Variants in CDYL2 observed in about 807,000 individuals in gnomAD.
CDYL2 encodes the protein chromodomain Y like 2.
CDYL2 carries 23 observed loss-of-function variants against 49.4 expected under a neutral mutation model. The observed-to-expected ratio is 0.47, with a 90% CI of 0.34 to 0.66. CDYL2 has a LOEUF of 0.66. CDYL2 is among the 30% of genes least tolerant of loss of function. The pLI, the probability that CDYL2 is intolerant of heterozygous loss-of-function variation, is 0.01. For synonymous variants in CDYL2, 360 were observed against 268.8 expected, an observed-to-expected ratio of 1.34 and a Z score of -3.32; for missense variants, 678 against 656.4, an observed-to-expected ratio of 1.03 and a Z score of -0.36.
Position 80,708,693 on chromosome 16 carries a change from T to C in CDYL2, c.25-23564A>G, listed in dbSNP as rs13336485. Among the ~76,000 whole-genome samples, 646 of 152,238 alleles carry C rather than the reference T, an allele frequency of 4.2e-3. 5 individuals carry two copies. Among genetic ancestry groups the C allele is most frequent in the African/African-American group, 0.015 (622 of 41,530 alleles). On this transcript the variant is annotated intron_variant, in intron 1 of 6. Coordinates refer to ENST00000570137, the MANE Select transcript of CDYL2 (RefSeq NM_152342.4). ...GTACCCAAGAGGCAATCAATAAATA[T>C]CAGCTGGTAGTCAAATTTCCTTTTA...
chr16:80,662,118 C>T (rs1248268189), intron 2 of CDYL2, among the ~76,000 whole-genome samples: 4 of 152,184 alleles, frequency 2.6e-5, no homozygotes, highest in African/African-American at 7.2e-5. Flanking sequence ...TGGCCTCATA[C>T]GTGAAAACAC....
At chr16:80,714,361 T>C (rs1433723604) in intron 1 of CDYL2, among the ~76,000 whole-genome samples, 1 of 152,182 alleles carries the variant, frequency 6.6e-6, no homozygotes, top group African/African-American at 2.4e-5. Context: ...AAATGATAAA[T>C]GTTTGAGGTA....
intron 1 of CDYL2, among the ~76,000 whole-genome samples, chr16:80,794,598 A>ATTTTTTTTTT (rs966789395): frequency 1.5e-5 from 1 of 66,830 alleles, no homozygotes; most frequent in Non-Finnish European, 3.0e-5. Flanking sequence ...ATTCCCAGTG[A>ATTTTTTTTTT]TTTTTTTTTT....
intron 2 of CDYL2, among the ~76,000 whole-genome samples, chr16:80,663,427 G>GA (rs11330709): frequency 0.03 from 4,322 of 145,732 alleles, 208 homozygotes; most frequent in African/African-American, 0.1. Flanking sequence ...GTGCATTCAA[G>GA]AAAAAAAAAA....
At chr16:80,681,817 T>A (rs757143351) in intron 2 of CDYL2, among the ~76,000 whole-genome samples, 1 of 152,238 alleles carries the variant, frequency 6.6e-6, no homozygotes, top group Non-Finnish European at 1.5e-5. Context: ...CTGGCAAGTT[T>A]CAGAGGGAAG....
At chr16:80,665,505 T>TAAAAAAAAAAAAAA (rs35248259) in intron 2 of CDYL2, among the ~76,000 whole-genome samples, 7 of 121,628 alleles carry the variant, frequency 5.8e-5, no homozygotes, top group African/African-American at 2.0e-4. Flanking sequence ...TTTTTGCCAT[T>TAAAAAAAAAAAAAA]AAAAAAAAAA....
chr16:80,623,532 C>G (rs74028336), intron 3 of CDYL2, among the ~76,000 whole-genome samples: 9,014 of 152,052 alleles, frequency 0.059, 925 homozygotes, highest in African/African-American at 0.21. Flanking sequence ...CTAGGAGCTG[C>G]CTAGAAATGC....
chr16:80,676,944 T>G (rs2142461152), intron 2 of CDYL2, among the ~76,000 whole-genome samples: 1 of 151,940 alleles, frequency 6.6e-6, no homozygotes, highest in Non-Finnish European at 1.5e-5. Context: ...TGAGGACTTT[T>G]TAACAACCAA....
At chr16:80,723,754 C>T (rs1044903948) in intron 1 of CDYL2, among the ~76,000 whole-genome samples, 10 of 152,114 alleles carry the variant, frequency 6.6e-5, no homozygotes, top group African/African-American at 9.7e-5. Flanking sequence ...GTAGTGGTGA[C>T]AGAGACCAAA....
intron 3 of CDYL2, among the ~76,000 whole-genome samples, chr16:80,631,213 A>C (rs115173706): frequency 2.0e-4 from 31 of 152,316 alleles, no homozygotes; most frequent in African/African-American, 6.7e-4. Flanking sequence ...AATGTGGATC[A>C]TAACAATCCT....
chr16:80,716,436 C>T (rs1334457056), intron 1 of CDYL2, among the ~76,000 whole-genome samples: 1 of 151,032 alleles, frequency 6.6e-6, no homozygotes, highest in Non-Finnish European at 1.5e-5. Flanking sequence ...ATGGGTAGGT[C>T]GATGGATGGA....
At chr16:80,670,042 C>G (rs552461191) in intron 2 of CDYL2, among the ~76,000 whole-genome samples, 1 of 152,246 alleles carries the variant, frequency 6.6e-6, no homozygotes, top group Non-Finnish European at 1.5e-5. Context: ...GCACAACAAC[C>G]TCATCAAGTA....
chr16:80,771,430 G>A (rs1487477006), intron 1 of CDYL2, among the ~76,000 whole-genome samples: 4 of 152,234 alleles, frequency 2.6e-5, no homozygotes, highest in Non-Finnish European at 4.4e-5. Flanking sequence ...ACTGGCCAGT[G>A]CAGTAGATCA....
intron 1 of CDYL2, among the ~76,000 whole-genome samples, chr16:80,688,037 A>G (rs184369555): frequency 6.6e-6 from 1 of 152,326 alleles, no homozygotes; most frequent in Admixed American, 6.5e-5. Context: ...GAAGGTGGCT[A>G]TGCATAGTTG....
intron 1 of CDYL2, among the ~76,000 whole-genome samples, chr16:80,735,494 G>A (rs1216287074): frequency 1.3e-5 from 2 of 152,108 alleles, no homozygotes; most frequent in African/African-American, 2.4e-5. Context: ...TACGTGCCTG[G>A]CACTGAATGG....
At chr16:80,734,543 T>C (rs184938071) in intron 1 of CDYL2, among the ~76,000 whole-genome samples, 2 of 152,214 alleles carry the variant, frequency 1.3e-5, no homozygotes, top group Admixed American at 1.3e-4. Context: ...AAACTCAGAA[T>C]AGGGAAGCAG....
intron 1 of CDYL2, among the ~76,000 whole-genome samples, chr16:80,743,836 T>A (rs1489524051): frequency 2.0e-5 from 3 of 152,086 alleles, no homozygotes; most frequent in African/African-American, 7.2e-5. Flanking sequence ...AACATCCTGG[T>A]CTCCCCAGAA....
rs141995063 is a variant in CDYL2 at position 80,648,751 on chromosome 16, C to G, written c.617-15515G>C. On this transcript the variant is annotated intron_variant, in intron 2 of 6. Coordinates refer to ENST00000570137, the MANE Select transcript of CDYL2 (RefSeq NM_152342.4). Reference sequence around the variant, plus strand: ...TCACGAGCACTGATGCAAAAATCCTCAACAAAATACTAGCAAACTGAATTC... The same window carrying G: ...TCACGAGCACTGATGCAAAAATCCTGAACAAAATACTAGCAAACTGAATTC... Among the ~76,000 whole-genome samples the G allele has an allele frequency of 9.9e-3, 1,496 of 151,400 alleles. 25 individuals carry two copies. Among genetic ancestry groups the G allele is most frequent in the African/African-American group, 0.034 (1,419 of 41,332 alleles).
rs1001460182 is a variant in CDYL2, at chr16:80,600,372, T to C, written c.*4016A>G. 2 of 152,176 alleles carry C rather than the reference T, an allele frequency of 1.3e-5. No homozygotes were observed. The highest frequency in any genetic ancestry group is 2.4e-5 in the African/African-American group (1 of 41,442). 9.4% of individuals were successfully genotyped at this position (152,176 alleles called of 1,614,324 possible). A position where few individuals can be genotyped will look rare whatever the true frequency, so the allele number is the denominator to read the frequency against. ...TAAAAGTTTATATTTTGAAAATATA[T>C]ACTGTATTAAAGTCTGTAAGCATTT... On this transcript the variant is annotated 3_prime_UTR_variant, in exon 7 of 7. Coordinates refer to ENST00000570137, the MANE Select transcript of CDYL2 (RefSeq NM_152342.4).
Sources: allele counts gnomAD v4.1 joint callset (sites outside exome capture counted in the v4.1 genomes callset), GRCh38; gene constraint gnomAD v4.1.1; transcripts MANE v1.5; gene names NCBI Gene and HGNC (gene_info 2026-07-23, HGNC 2026-07-21).